PIK3IP1: variants seen among roughly 807,000 people sequenced by gnomAD.
PIK3IP1 encodes phosphoinositide-3-kinase interacting protein 1.
PIK3IP1 carries 28 observed loss-of-function variants against 30.7 expected under a neutral mutation model. The observed-to-expected ratio is 0.91, with a 90% CI of 0.68 to 1.25. The LOEUF (loss-of-function observed/expected upper bound fraction) is 1.25. Among genes scored for constraint, PIK3IP1 ranks in the 50% most tolerant of loss-of-function variants. PIK3IP1 has a pLI of 0.00. For missense variants in PIK3IP1, 333 were observed against 346.2 expected, an observed-to-expected ratio of 0.96 and a Z score of 0.30; for synonymous variants, 159 against 140.8, an observed-to-expected ratio of 1.13 and a Z score of -0.91.
Position 31,282,799 on chromosome 22 carries a change from T to C in PIK3IP1, c.*285A>G. The C allele has an allele frequency of 2.6e-6, 1 of 383,402 alleles. No individual in the cohort carries two copies. Among genetic ancestry groups the C allele is most frequent in the Non-Finnish European group, 4.9e-6 (1 of 206,010 alleles). 23.8% of individuals were successfully genotyped at this position (383,402 alleles called of 1,614,324 possible). On this transcript the variant is annotated 3_prime_UTR_variant, in exon 6 of 6. Coordinates refer to ENST00000215912, the MANE Select transcript of PIK3IP1 (RefSeq NM_052880.5). ...GGTTCAGTTCCAGGGGTGCAGGCAA[T>C]GTTTGGAAGCCCTTAGCAGCAGCAT...
At position 31,289,386 on chromosome 22, in the gene PIK3IP1, C is replaced by T. The variant is rs751996461; in HGVS notation, c.516G>A (p.Val172=). The T allele has an allele frequency of 1.2e-6, 2 of 1,607,880 alleles. No homozygotes were observed. Among genetic ancestry groups the T allele is most frequent in the South Asian group, 2.2e-5 (2 of 90,314 alleles). ...TGATCACCATCATGGTAATGCCCAGCACGTAGCCTGCCAAGGATAGGACAC... is the reference window on the plus strand; with the variant it reads ...TGATCACCATCATGGTAATGCCCAGTACGTAGCCTGCCAAGGATAGGACAC... ...EKKDLGTLGY[V]LGITMMVIII... is the part of the protein sequence containing the mutation. Residue 172 remains valine, a synonymous_variant, in exon 5 of 6, where the codon GTG becomes GTA. Transcript: ENST00000215912.
intron 3 of PIK3IP1, 140 bp from the exon 4 acceptor site, chr22:31,289,839 G>T: frequency 1.2e-6 from 1 of 865,096 alleles, no homozygotes; most frequent in Non-Finnish European, 1.8e-6. Context: ...GTCAAATTCT[G>T]CCCCAGAGGT....
At chr22:31,289,478 A>AGG in intron 4 of PIK3IP1, 21 bp downstream of exon 4, 1 of 1,541,192 alleles carries the variant, frequency 6.5e-7, no homozygotes, top group Admixed American at 2.0e-5. Context: ...CAACGAGGGC[A>AGG]GGGGTGGGGG....
At chr22:31,289,910 G>T (rs1244327145) in intron 3 of PIK3IP1, 1 of 515,388 alleles carries the variant, frequency 1.9e-6, no homozygotes, top group Non-Finnish European at 3.5e-6. Flanking sequence ...GAGGAAGGCC[G>T]TAGGGAAGGG....
At position 31,283,222 on chromosome 22, in the gene PIK3IP1, CAG is replaced by C. The variant is rs1257558259; in HGVS notation, c.652_653del (p.Leu218AlafsTer11). 1 of 1,614,202 alleles carries C rather than the reference CAG, an allele frequency of 6.2e-7. No individual in the cohort carries two copies. Among genetic ancestry groups the C allele is most frequent in the South Asian group, 1.1e-5 (1 of 91,076 alleles). The part of the protein sequence containing the change: ...VCEREMQRIT[L>X]PLSAFTNPTC... The stretch of plus-strand genomic sequence containing the variant: ...TGGGGTTGGTGAAGGCAGACAAGGG[CAG>C]AGTGATTCGCTGCATCTCCCTCTCA... On this transcript the variant is annotated frameshift_variant, in exon 6 of 6. Coordinates refer to ENST00000215912, the MANE Select transcript of PIK3IP1 (RefSeq NM_052880.5). LOFTEE classifies it high-confidence loss of function.
chr22:31,284,239 T>C (rs1266802949), intron 5 of PIK3IP1, among the ~76,000 whole-genome samples: 1 of 152,220 alleles, frequency 6.6e-6, no homozygotes, highest in African/African-American at 2.4e-5. Context: ...ACTGAGGCTT[T>C]TGAGTTTAAC....
chr22:31,289,999 C>T (rs1007097567), intron 3 of PIK3IP1: 13 of 333,680 alleles, frequency 3.9e-5, no homozygotes, highest in Non-Finnish European at 6.2e-5. Context: ...CGTTCTTCTG[C>T]AGGGGATTCC....
chr22:31,289,118 A>G, intron 5 of PIK3IP1, 197 bp downstream of exon 5: 1 of 615,406 alleles, frequency 1.6e-6, no homozygotes. Context: ...CATCCCTCAC[A>G]AGGCTTTTAA....
chr22:31,283,780 G>A (rs1048437328), intron 5 of PIK3IP1, among the ~76,000 whole-genome samples: 11 of 151,980 alleles, frequency 7.2e-5, no homozygotes, highest in Admixed American at 5.9e-4. Context: ...CAGAGACCCA[G>A]AGAACTATCT....
chr22:31,292,359 T>C lies in PIK3IP1; in HGVS notation c.-15A>G, dbSNP rs189959429. The stretch of plus-strand genomic sequence containing the variant: ...GCCAACAGCATCCTTGCCTCCTTCG[T>C]CTTGCAGGTGATTGAACGACCAGTG... On this transcript the variant is annotated 5_prime_UTR_variant, in exon 1 of 6. Coordinates refer to ENST00000215912, the MANE Select transcript of PIK3IP1 (RefSeq NM_052880.5). 120 of 1,613,846 alleles carry C rather than the reference T, an allele frequency of 7.4e-5. No homozygotes were observed. In the African/African-American group the frequency reaches 1.5e-3, roughly 20 times the overall value.
intron 5 of PIK3IP1, among the ~76,000 whole-genome samples, chr22:31,283,494 C>T (rs1037023868): frequency 6.6e-6 from 1 of 152,172 alleles, no homozygotes; most frequent in Non-Finnish European, 1.5e-5. Flanking sequence ...GCTCCTGCAC[C>T]TCTGGTCTTA....
Position 31,281,879 on chromosome 22 carries a change from TTGAG to T in PIK3IP1, c.*1201_*1204del, listed in dbSNP as rs1451740192. ...TATGGCTAGGAGCTGCCAAGGCCTC[TTGAG>T]TGTGACATCACAGGTTAGAGGCCCT... On this transcript the variant is annotated 3_prime_UTR_variant, in exon 6 of 6. Transcript: ENST00000215912. 8 of 152,676 alleles carry T rather than the reference TTGAG, an allele frequency of 5.2e-5. No homozygotes were observed. The highest frequency in any genetic ancestry group is 1.3e-4 in the Admixed American group (2 of 15,280). 9.5% of individuals were successfully genotyped at this position (152,676 alleles called of 1,614,324 possible).
chr22:31,289,239 T>A, intron 5 of PIK3IP1, 76 bp downstream of exon 5: 1 of 1,465,584 alleles, frequency 6.8e-7, no homozygotes, highest in Non-Finnish European at 9.5e-7. Flanking sequence ...TCCTTTTGGG[T>A]AAGAAAGCCA....
chr22:31,287,014 C>CTTT lies in PIK3IP1; in HGVS notation c.587+2298_587+2300dup, dbSNP rs11427273. On this transcript the variant is annotated intron_variant, in intron 5 of 5. Transcript: ENST00000215912. ...TCAGAGAGTACTAGTCCATTACCCA[C>CTTT]TTTTTTTTTTTTTTTTTTTTTTTTG... Among the ~76,000 whole-genome samples the CTTT allele has an allele frequency of 6.7e-3, 659 of 98,592 alleles. 4 individuals carry two copies. The highest frequency in any genetic ancestry group is 0.01 in the Non-Finnish European group (511 of 50,824). The allele number at this position is 98,592 out of a possible 152,430, so 64.7% of individuals were successfully genotyped here.
Position 31,282,478 on chromosome 22 carries a change from C to T in PIK3IP1, c.*606G>A, listed in dbSNP as rs1191771951. ...AGAGTCCCTGGGCCCAGGCCTGGCC[C>T]ACGGTTGTCAAGGCACATCATTGCC... is the stretch of plus-strand genomic sequence containing the variant. On this transcript the variant is annotated 3_prime_UTR_variant, in exon 6 of 6. Coordinates refer to ENST00000215912, the MANE Select transcript of PIK3IP1 (RefSeq NM_052880.5). The T allele has an allele frequency of 6.6e-6, 1 of 152,562 alleles. No homozygotes were observed. The highest frequency in any genetic ancestry group is 2.4e-5 in the African/African-American group (1 of 41,348). 9.5% of individuals were successfully genotyped at this position (152,562 alleles called of 1,614,324 possible).
chr22:31,284,250 T>G (rs779810831), intron 5 of PIK3IP1, among the ~76,000 whole-genome samples: 4 of 152,242 alleles, frequency 2.6e-5, no homozygotes, highest in Non-Finnish European at 5.9e-5. Flanking sequence ...TGAGTTTAAC[T>G]TCCGCGCCTT....
At chr22:31,287,387 G>A in intron 5 of PIK3IP1, among the ~76,000 whole-genome samples, 1 of 138,262 alleles carries the variant, frequency 7.2e-6, no homozygotes. Flanking sequence ...CTGGAGTGCA[G>A]TGGCACAATC....
At chr22:31,291,483 A>G (rs1164643750) in intron 1 of PIK3IP1, among the ~76,000 whole-genome samples, 187 bp from the exon 2 acceptor site, 4 of 20,524 alleles carry the variant, frequency 1.9e-4, no homozygotes, top group African/African-American at 7.4e-4. Flanking sequence ...CCCCCCCCCA[A>G]CTCCACGCAC....
chr22:31,289,865 A>C, intron 3 of PIK3IP1, 166 bp from the exon 4 acceptor site: 1 of 666,394 alleles, frequency 1.5e-6, no homozygotes, highest in East Asian at 2.8e-5. Context: ...CAGGCCTGAG[A>C]GGGCTGAACC....
Sources: allele counts gnomAD v4.1 joint callset (sites outside exome capture counted in the v4.1 genomes callset), GRCh38; gene constraint gnomAD v4.1.1; transcripts MANE v1.5; gene names NCBI Gene and HGNC (gene_info 2026-07-23, HGNC 2026-07-21).